CSRNP3: variants seen among roughly 807,000 people sequenced by gnomAD.
CSRNP3 encodes the protein cysteine/serine-rich nuclear protein 3.
Under a neutral mutation model 48.0 loss-of-function variants are expected in CSRNP3, and 12 were observed. That is an observed-to-expected ratio of 0.25 (90% confidence interval 0.16 to 0.41). The LOEUF (loss-of-function observed/expected upper bound fraction) is 0.41, where lower values mean the gene tolerates loss of function less well. CSRNP3 is among the 10% of genes least tolerant of loss of function. The probability of loss-of-function intolerance (pLI) is 1.00; values close to 1 mark genes in which losing one functional copy is unlikely to be tolerated. For missense variants in CSRNP3, 580 were observed against 724.4 expected (o/e 0.80, Z 2.29); for synonymous variants, 263 against 269.7 (o/e 0.98, Z 0.24).
chr2:165,645,541 C>A (rs528215877), intron 4 of CSRNP3, among the ~76,000 whole-genome samples: 2 of 152,194 alleles, frequency 1.3e-5, no homozygotes, highest in African/African-American at 2.4e-5. Context: ...GAAGTGCAAG[C>A]CCAATTTTAA....
intron 1 of CSRNP3, among the ~76,000 whole-genome samples, chr2:165,477,225 A>T (rs969864411): frequency 2.0e-5 from 3 of 151,878 alleles, no homozygotes; most frequent in Non-Finnish European, 2.9e-5. Flanking sequence ...TGATTAAATA[A>T]ATTTAAGGAA....
At chr2:165,522,553 T>A (rs1684676593) in intron 3 of CSRNP3, among the ~76,000 whole-genome samples, 1 of 152,006 alleles carries the variant, frequency 6.6e-6, no homozygotes, top group South Asian at 2.1e-4. Flanking sequence ...TTATTACATA[T>A]GTAACCTGAC....
chr2:165,667,489 T>C (rs1299875615), intron 5 of CSRNP3, among the ~76,000 whole-genome samples: 1 of 152,208 alleles, frequency 6.6e-6, no homozygotes, highest in Non-Finnish European at 1.5e-5. Flanking sequence ...CTTGTAATTC[T>C]TTACTCCATG....
At chr2:165,471,312 CG>C (rs1558909336) in intron 1 of CSRNP3, among the ~76,000 whole-genome samples, 19 of 151,688 alleles carry the variant, frequency 1.3e-4, no homozygotes, top group Admixed American at 7.9e-4. Context: ...TGGATCTTTC[CG>C]ATTTTGTTTT....
intron 3 of CSRNP3, among the ~76,000 whole-genome samples, chr2:165,587,999 C>A (rs959819410): frequency 3.9e-5 from 6 of 152,160 alleles, no homozygotes; most frequent in African/African-American, 1.4e-4. Flanking sequence ...AGGCATTGTT[C>A]TAGGCACTTG....
At chr2:165,657,732 G>A (rs1010344715) in intron 4 of CSRNP3, 29 bp from the exon 5 acceptor site, 6 of 1,607,238 alleles carry the variant, frequency 3.7e-6, no homozygotes, top group African/African-American at 1.3e-5. Flanking sequence ...TGCCCCAAGT[G>A]TTCACAGGAT....
At chr2:165,593,463 C>T (rs929758882) in intron 3 of CSRNP3, among the ~76,000 whole-genome samples, 11 of 151,898 alleles carry the variant, frequency 7.2e-5, no homozygotes, top group African/African-American at 2.4e-5. Context: ...TGAGAATTTG[C>T]ATTTCTAACC....
chr2:165,673,602 G>A (rs961684615), intron 5 of CSRNP3, among the ~76,000 whole-genome samples: 6 of 152,030 alleles, frequency 3.9e-5, no homozygotes, highest in African/African-American at 9.7e-5. Flanking sequence ...TCTTAGGCAC[G>A]AATTGGTTAT....
At chr2:165,533,376 G>A (rs1444966892) in intron 3 of CSRNP3, among the ~76,000 whole-genome samples, 1 of 152,064 alleles carries the variant, frequency 6.6e-6, no homozygotes. Context: ...AATTGATGGA[G>A]GAGCTATTCT....
intron 2 of CSRNP3, among the ~76,000 whole-genome samples, chr2:165,505,994 T>C (rs184028697): frequency 2.0e-4 from 30 of 152,302 alleles, no homozygotes; most frequent in Admixed American, 4.6e-4. Flanking sequence ...GTAATCGAGA[T>C]AGTCAGGAGT....
At chr2:165,539,955 G>T (rs576867657) in intron 3 of CSRNP3, among the ~76,000 whole-genome samples, 1 of 152,148 alleles carries the variant, frequency 6.6e-6, no homozygotes, top group African/African-American at 2.4e-5. Flanking sequence ...ACTACTCCTT[G>T]AACTTGGGAA....
At chr2:165,478,859 TTAA>T (rs1684002874) in intron 1 of CSRNP3, among the ~76,000 whole-genome samples, 1 of 152,224 alleles carries the variant, frequency 6.6e-6, no homozygotes, top group African/African-American at 2.4e-5. Flanking sequence ...AGCATAATGC[TTAA>T]TTCAGAATCA....
At chr2:165,487,247 A>G (rs1265432102) in intron 1 of CSRNP3, among the ~76,000 whole-genome samples, 1 of 145,102 alleles carries the variant, frequency 6.9e-6, no homozygotes, top group Non-Finnish European at 1.5e-5. Flanking sequence ...TTTAGAGAAA[A>G]AAGAATAAAA....
At chr2:165,630,250 A>G (rs759298681) in intron 4 of CSRNP3, among the ~76,000 whole-genome samples, 5 of 152,188 alleles carry the variant, frequency 3.3e-5, no homozygotes, top group East Asian at 1.9e-4. Context: ...AAAAGTGTGT[A>G]TGTGTATTTT....
intron 5 of CSRNP3, among the ~76,000 whole-genome samples, chr2:165,662,763 C>A (rs1206976321): frequency 6.6e-6 from 1 of 152,098 alleles, no homozygotes; most frequent in Non-Finnish European, 1.5e-5. Flanking sequence ...TTTGGCTTGC[C>A]TTTTTATTTT....
chr2:165,569,950 C>T (rs1179871632), intron 3 of CSRNP3, among the ~76,000 whole-genome samples: 8 of 151,504 alleles, frequency 5.3e-5, no homozygotes, highest in African/African-American at 1.9e-4. Flanking sequence ...ACTTGTTTGT[C>T]TGTGTTGTTA....
At chr2:165,675,229 G>C (rs188586810) in intron 5 of CSRNP3, among the ~76,000 whole-genome samples, 2 of 152,164 alleles carry the variant, frequency 1.3e-5, no homozygotes, top group African/African-American at 4.8e-5. Flanking sequence ...TTTTAAGTGT[G>C]TGATGGATGA....
chr2:165,646,682 A>G (rs1352614603), intron 4 of CSRNP3, among the ~76,000 whole-genome samples: 1 of 152,126 alleles, frequency 6.6e-6, no homozygotes, highest in Non-Finnish European at 1.5e-5. Flanking sequence ...CTTGGTTGCA[A>G]CAGCGCGGGT....
At chr2:165,593,265 C>T (rs1318016294) in intron 3 of CSRNP3, among the ~76,000 whole-genome samples, 2 of 152,116 alleles carry the variant, frequency 1.3e-5, no homozygotes, top group African/African-American at 4.8e-5. Flanking sequence ...CTATCTAGGG[C>T]TGGTATGTGA....
Sources: gnomAD v4.1 joint callset for allele counts (sites outside exome capture counted in the v4.1 genomes callset) on GRCh38, gnomAD v4.1.1 for gene constraint, MANE v1.5 for transcripts, NCBI Gene and HGNC (gene_info 2026-07-23, HGNC 2026-07-21) for gene names.